NKAIN3: variants seen among roughly 807,000 people sequenced by gnomAD.
NKAIN3 encodes the protein sodium/potassium transporting ATPase interacting 3.
Under a neutral mutation model 30.2 loss-of-function variants are expected in NKAIN3, and 25 were observed. The observed-to-expected ratio is 0.83, with a 90% CI of 0.60 to 1.16. The LOEUF (loss-of-function observed/expected upper bound fraction) is 1.16. NKAIN3 is among the 50% of genes most tolerant of loss of function. NKAIN3 has a pLI of 0.00. For missense variants in NKAIN3, 225 were observed against 254.1 expected, an observed-to-expected ratio of 0.89 and a Z score of 0.78; for synonymous variants, 91 against 89.6, an observed-to-expected ratio of 1.02 and a Z score of -0.09.
At chr8:62,356,080 T>C (rs2129592087) in intron 1 of NKAIN3, among the ~76,000 whole-genome samples, 1 of 152,310 alleles carries the variant, frequency 6.6e-6, no homozygotes, top group African/African-American at 2.4e-5. Flanking sequence ...TTTGCCCCAC[T>C]TTCTATCAAC....
chr8:62,298,381 C>T (rs912997863), intron 1 of NKAIN3, among the ~76,000 whole-genome samples: 4 of 152,014 alleles, frequency 2.6e-5, no homozygotes, highest in African/African-American at 9.7e-5. Flanking sequence ...TTCTGGCATG[C>T]CCCAGTATCA....
intron 1 of NKAIN3, among the ~76,000 whole-genome samples, chr8:62,443,143 C>T (rs942231303): frequency 1.3e-5 from 2 of 151,594 alleles, no homozygotes; most frequent in Non-Finnish European, 2.9e-5. Flanking sequence ...TTTTCTTTAT[C>T]AGTTTCTAAG....
chr8:62,478,745 C>T (rs1478535661), intron 1 of NKAIN3, among the ~76,000 whole-genome samples: 1 of 151,994 alleles, frequency 6.6e-6, no homozygotes, highest in Admixed American at 6.6e-5. Flanking sequence ...CCAAATAAAC[C>T]AGATGATCAG....
intron 3 of NKAIN3, among the ~76,000 whole-genome samples, chr8:62,688,244 C>T (rs757103742): frequency 2.0e-5 from 3 of 152,110 alleles, no homozygotes; most frequent in Non-Finnish European, 4.4e-5. Context: ...CAGAAGCTGA[C>T]GGGAATAATA....
At chr8:62,667,415 C>T in intron 3 of NKAIN3, among the ~76,000 whole-genome samples, 1 of 144,314 alleles carries the variant, frequency 6.9e-6, no homozygotes, top group East Asian at 2.0e-4. Flanking sequence ...TCATTGCTTA[C>T]ATTAGCAGAA....
At chr8:62,623,150 T>G (rs1045094883) in intron 3 of NKAIN3, among the ~76,000 whole-genome samples, 1 of 152,030 alleles carries the variant, frequency 6.6e-6, no homozygotes, top group Admixed American at 6.6e-5. Flanking sequence ...TCACAAACTC[T>G]CCTGGCTGCC....
chr8:62,609,045 C>CT (rs140165120), intron 3 of NKAIN3, among the ~76,000 whole-genome samples: 3,555 of 152,140 alleles, frequency 0.023, 99 homozygotes, highest in African/African-American at 0.073. Context: ...AAATTAATCT[C>CT]TAAGTCTAAA....
At chr8:62,992,253 C>T (rs1193648742) in intron 5 of NKAIN3, among the ~76,000 whole-genome samples, 1 of 151,892 alleles carries the variant, frequency 6.6e-6, no homozygotes, top group Non-Finnish European at 1.5e-5. Context: ...CTCAAGTGAT[C>T]CACCCGCCTC....
intron 1 of NKAIN3, among the ~76,000 whole-genome samples, chr8:62,295,504 C>A (rs1320775644): frequency 6.6e-6 from 1 of 152,068 alleles, no homozygotes; most frequent in African/African-American, 2.4e-5. Context: ...AGCAAAATAA[C>A]AATTGTTGAG....
intron 1 of NKAIN3, among the ~76,000 whole-genome samples, chr8:62,528,657 A>C (rs1808392894): frequency 6.6e-6 from 1 of 152,052 alleles, no homozygotes; most frequent in African/African-American, 2.4e-5. Flanking sequence ...AGGTGAAAAG[A>C]AGCATATCCA....
At chr8:62,915,648 T>G (rs1018129239) in intron 4 of NKAIN3, among the ~76,000 whole-genome samples, 1 of 152,156 alleles carries the variant, frequency 6.6e-6, no homozygotes, top group African/African-American at 2.4e-5. Flanking sequence ...GTATGCATGC[T>G]TGCAGGTATA....
chr8:62,387,570 A>G (rs1289765624), intron 1 of NKAIN3, among the ~76,000 whole-genome samples: 3 of 152,318 alleles, frequency 2.0e-5, no homozygotes, highest in Non-Finnish European at 2.9e-5. Context: ...AGAATAGATC[A>G]TGTGTGTTCA....
At chr8:62,635,001 A>G (rs1392633138) in intron 3 of NKAIN3, among the ~76,000 whole-genome samples, 1 of 152,052 alleles carries the variant, frequency 6.6e-6, no homozygotes, top group East Asian at 1.9e-4. Flanking sequence ...TCATAACAAG[A>G]CAAGAGAGAA....
intron 1 of NKAIN3, among the ~76,000 whole-genome samples, chr8:62,348,009 T>A (rs1466780072): frequency 7.5e-6 from 1 of 133,434 alleles, no homozygotes; most frequent in Non-Finnish European, 1.8e-5. Flanking sequence ...TTAGACTAAC[T>A]GTCGGTATTT....
chr8:62,616,518 A>G (rs753583560), intron 3 of NKAIN3, among the ~76,000 whole-genome samples: 24 of 152,172 alleles, frequency 1.6e-4, no homozygotes, highest in Non-Finnish European at 1.5e-4. Flanking sequence ...CCCTCTTGCC[A>G]GTGTACCACG....
intron 1 of NKAIN3, among the ~76,000 whole-genome samples, chr8:62,407,408 T>TG (rs965395458): frequency 6.5e-5 from 2 of 30,550 alleles, no homozygotes; most frequent in African/African-American, 3.0e-4. Flanking sequence ...GTTGTTTTTT[T>TG]TTTTTTTTTT....
At chr8:62,841,417 G>T (rs1819528395) in intron 4 of NKAIN3, among the ~76,000 whole-genome samples, 1 of 151,952 alleles carries the variant, frequency 6.6e-6, no homozygotes, top group African/African-American at 2.4e-5. Context: ...TAAACCTCCT[G>T]TCTAGCTAAA....
chr8:62,345,532 C>CACATATATACACATATATGTATATAT (rs1815955965), intron 1 of NKAIN3, among the ~76,000 whole-genome samples: 8 of 102,156 alleles, frequency 7.8e-5, no homozygotes, highest in African/African-American at 4.0e-4. Flanking sequence ...TGTATATATA[C>CACATATATACACATATATGTATATAT]ACACATATAT....
intron 4 of NKAIN3, among the ~76,000 whole-genome samples, chr8:62,859,623 C>CGT (rs1229110513): frequency 4.7e-5 from 7 of 150,430 alleles, no homozygotes; most frequent in African/African-American, 1.7e-4. Context: ...TGTGTGCATG[C>CGT]GTGTGTGTGT....
Sources: allele counts gnomAD v4.1 joint callset (sites outside exome capture counted in the v4.1 genomes callset), GRCh38; gene constraint gnomAD v4.1.1; transcripts MANE v1.5; gene names NCBI Gene and HGNC (gene_info 2026-07-23, HGNC 2026-07-21).